Variants in MDGA2 observed in about 807,000 individuals in gnomAD.
The protein encoded by MDGA2 is MAM domain-containing glycosylphosphatidylinositol anchor protein 2.
MDGA2 carries 40 observed loss-of-function variants against 117.8 expected under a neutral mutation model. The observed-to-expected ratio is 0.34, with a 90% CI of 0.26 to 0.44. The LOEUF is 0.44. MDGA2 is among the 20% of genes least tolerant of loss of function. The pLI is 1.00. For synonymous variants in MDGA2, 452 were observed against 439.0 expected, an observed-to-expected ratio of 1.03 and a Z score of -0.37; for missense variants, 1,123 against 1,250.6, an observed-to-expected ratio of 0.90 and a Z score of 1.54.
intron 6 of MDGA2, among the ~76,000 whole-genome samples, chr14:47,065,039 C>T (rs1305624641): frequency 6.6e-6 from 1 of 151,978 alleles, no homozygotes; most frequent in African/African-American, 2.4e-5. Context: ...CCCCTAACAC[C>T]AGCCTGAGAG....
At chr14:47,181,259 G>T (rs1421506771) in intron 3 of MDGA2, among the ~76,000 whole-genome samples, 2 of 151,970 alleles carry the variant, frequency 1.3e-5, no homozygotes, top group Middle Eastern at 3.2e-3. Flanking sequence ...ATAGACCCTG[G>T]TGTGTGATGT....
intron 1 of MDGA2, among the ~76,000 whole-genome samples, chr14:47,651,579 T>C (rs978403829): frequency 6.6e-6 from 1 of 150,522 alleles, no homozygotes; most frequent in Non-Finnish European, 1.5e-5. Flanking sequence ...AATCTGCTGT[T>C]TTTTTTTAGC....
At position 47,149,614 on chromosome 14, in the gene MDGA2, CT is replaced by C. The variant is rs1467733194; in HGVS notation, c.596-5341del. Among the ~76,000 whole-genome samples the C allele has an allele frequency of 4.6e-5, 7 of 152,312 alleles. No homozygotes were observed. In the East Asian group the frequency reaches 1.4e-3, roughly 29 times the overall value. On this transcript the variant is annotated intron_variant, in intron 3 of 16. Coordinates refer to ENST00000399232, the MANE Select transcript of MDGA2 (RefSeq NM_001113498.3). ...TGACATATTCACTTTAGCATTCCCA[CT>C]TCTCTGAGTCATTTGGTCCTTTTTT... is the stretch of plus-strand genomic sequence containing the variant.
intron 3 of MDGA2, among the ~76,000 whole-genome samples, chr14:47,187,810 A>T (rs1440672767): frequency 3.3e-5 from 5 of 152,138 alleles, no homozygotes; most frequent in Non-Finnish European, 7.4e-5. Flanking sequence ...AATTACAAGT[A>T]AATATATCGG....
chr14:46,902,420 G>A (rs752928146), intron 10 of MDGA2, among the ~76,000 whole-genome samples: 2 of 152,002 alleles, frequency 1.3e-5, no homozygotes, highest in Admixed American at 6.6e-5. Context: ...TATACAGTAG[G>A]TACTTTTTTT....
intron 1 of MDGA2, among the ~76,000 whole-genome samples, chr14:47,490,092 G>A (rs1006107831): frequency 1.3e-5 from 2 of 152,098 alleles, no homozygotes; most frequent in African/African-American, 4.8e-5. Context: ...TGTGTCAGCA[G>A]TAGAATAAAA....
intron 1 of MDGA2, among the ~76,000 whole-genome samples, chr14:47,478,616 T>C (rs1458294729): frequency 6.6e-6 from 1 of 152,124 alleles, no homozygotes; most frequent in Non-Finnish European, 1.5e-5. Flanking sequence ...GCTCAAGCGA[T>C]CCACCCACCT....
chr14:47,370,468 G>GTTTTTTTTTTTTTTTTTTTTTTTTT (rs67255552), intron 1 of MDGA2, among the ~76,000 whole-genome samples: 1 of 20,684 alleles, frequency 4.8e-5, no homozygotes, highest in Non-Finnish European at 1.0e-4. Context: ...TCTACTTACT[G>GTTTTTTTTTTTTTTTTTTTTTTTTT]TTTTTTTTTT....
intron 5 of MDGA2, among the ~76,000 whole-genome samples, chr14:47,119,169 G>GCCGC (rs1881501331): frequency 7.2e-4 from 14 of 19,400 alleles, no homozygotes; most frequent in East Asian, 2.8e-3. Flanking sequence ...TCCTGCCTCA[G>GCCGC]CCCCGCCCCC....
chr14:47,045,693 A>G (rs1336751786), intron 7 of MDGA2, among the ~76,000 whole-genome samples: 4 of 152,138 alleles, frequency 2.6e-5, no homozygotes, highest in Non-Finnish European at 5.9e-5. Context: ...GGGCAGGCGC[A>G]GTGATTCACG....
At chr14:47,234,792 G>A (rs1384490912) in intron 2 of MDGA2, among the ~76,000 whole-genome samples, 2 of 152,086 alleles carry the variant, frequency 1.3e-5, no homozygotes, top group Non-Finnish European at 2.9e-5. Context: ...AATAGCAGAT[G>A]CTAGAGTTCA....
chr14:47,389,352 C>G (rs1891835964), intron 1 of MDGA2, among the ~76,000 whole-genome samples: 1 of 151,944 alleles, frequency 6.6e-6, no homozygotes, highest in East Asian at 1.9e-4. Context: ...CAAAAAGTCC[C>G]CAAACTGACA....
intron 14 of MDGA2, among the ~76,000 whole-genome samples, chr14:46,869,806 G>C (rs746336906): frequency 2.6e-4 from 39 of 151,930 alleles, no homozygotes; most frequent in Admixed American, 3.3e-4. Context: ...AAAGCCTGCT[G>C]CCATGTTATG....
At chr14:47,145,331 A>C (rs1370192619) in intron 3 of MDGA2, among the ~76,000 whole-genome samples, 2 of 152,192 alleles carry the variant, frequency 1.3e-5, no homozygotes, top group East Asian at 3.8e-4. Context: ...AGCAAAACAC[A>C]ATAGGTAAAT....
rs139923162 is a variant in MDGA2, at chr14:46,864,701, C to A, written c.2752+8732G>T. ...CATTGGCATTATCAGCATTAAATAC[C>A]AACAGGACTTCACTGAGAGCATAGA... On this transcript the variant is annotated intron_variant, in intron 14 of 16. Coordinates refer to ENST00000399232, the MANE Select transcript of MDGA2 (RefSeq NM_001113498.3). Among the ~76,000 whole-genome samples the A allele has an allele frequency of 3.5e-3, 530 of 150,298 alleles. 5 individuals carry two copies. The highest frequency in any genetic ancestry group is 0.012 in the African/African-American group (506 of 40,962).
intron 10 of MDGA2, among the ~76,000 whole-genome samples, chr14:46,917,972 G>A (rs1883965819): frequency 6.6e-6 from 1 of 152,140 alleles, no homozygotes; most frequent in Non-Finnish European, 1.5e-5. Flanking sequence ...ATTTTGATTT[G>A]CATCCACAAC....
chr14:47,462,775 T>C (rs556382646), intron 1 of MDGA2, among the ~76,000 whole-genome samples: 1 of 152,214 alleles, frequency 6.6e-6, no homozygotes, highest in South Asian at 2.1e-4. Flanking sequence ...ATGACTAAAA[T>C]AAGTGACATT....
At chr14:47,335,428 G>GA (rs1191549610) in intron 1 of MDGA2, among the ~76,000 whole-genome samples, 2 of 151,330 alleles carry the variant, frequency 1.3e-5, no homozygotes, top group East Asian at 3.9e-4. Flanking sequence ...ATATGTAGGC[G>GA]AAAAGCCTTC....
intron 1 of MDGA2, among the ~76,000 whole-genome samples, chr14:47,520,507 T>C (rs935451881): frequency 1.3e-5 from 2 of 152,162 alleles, no homozygotes; most frequent in Non-Finnish European, 2.9e-5. Context: ...AAATCTATAA[T>C]ATGGACATTA....
Sources: gnomAD v4.1 joint callset for allele counts (sites outside exome capture counted in the v4.1 genomes callset) on GRCh38, gnomAD v4.1.1 for gene constraint, MANE v1.5 for transcripts, NCBI Gene and HGNC (gene_info 2026-07-23, HGNC 2026-07-21) for gene names.